Variants in ATL2 observed in about 807,000 individuals in gnomAD.
ATL2 encodes atlastin GTPase 2, also known as atlastin-2.
Under a neutral mutation model 73.9 loss-of-function variants are expected in ATL2, and 31 were observed. The observed-to-expected ratio is 0.42, with a 90% confidence interval of 0.32 to 0.57. The LOEUF (loss-of-function observed/expected upper bound fraction) is 0.57, where lower values mean the gene tolerates loss of function less well. ATL2 is among the 20% of genes least tolerant of loss of function. ATL2 has a pLI of 0.14. For synonymous variants in ATL2, 291 were observed against 237.5 expected, an observed-to-expected ratio of 1.23 and a Z score of -2.07; for missense variants, 738 against 702.6, an observed-to-expected ratio of 1.05 and a Z score of -0.57.
At chr2:38,337,240 T>A (rs1321028579) in intron 2 of ATL2, among the ~76,000 whole-genome samples, 1 of 151,494 alleles carries the variant, frequency 6.6e-6, no homozygotes, top group African/African-American at 2.4e-5. Flanking sequence ...ATCCCAACAC[T>A]TTGGGAGGCT....
intron 2 of ATL2, among the ~76,000 whole-genome samples, chr2:38,336,670 T>C (rs1294569421): frequency 6.6e-6 from 1 of 152,240 alleles, no homozygotes; most frequent in African/African-American, 2.4e-5. Flanking sequence ...ATAAAGGCTC[T>C]GGCATCAAAT....
At chr2:38,356,263 G>C (rs1299287299) in intron 1 of ATL2, among the ~76,000 whole-genome samples, 1 of 151,680 alleles carries the variant, frequency 6.6e-6, no homozygotes, top group African/African-American at 2.4e-5. Flanking sequence ...TCATCGACCA[G>C]GCTGGAGTGC....
At chr2:38,368,588 A>C (rs909623913) in intron 1 of ATL2, among the ~76,000 whole-genome samples, 1 of 152,224 alleles carries the variant, frequency 6.6e-6, no homozygotes, top group Non-Finnish European at 1.5e-5. Context: ...TAGCATGCCT[A>C]AAGACTAAGA....
At chr2:38,341,702 A>G (rs149460257) in intron 2 of ATL2, among the ~76,000 whole-genome samples, 21 of 152,360 alleles carry the variant, frequency 1.4e-4, no homozygotes, top group Admixed American at 1.3e-4. Context: ...CAATGTCCCA[A>G]ACATGTAAAA....
chr2:38,354,826 G>A (rs1670566534), intron 1 of ATL2, among the ~76,000 whole-genome samples: 1 of 152,076 alleles, frequency 6.6e-6, no homozygotes, highest in Non-Finnish European at 1.5e-5. Context: ...GGAGGCGGAG[G>A]TTGCAGTGAG....
At chr2:38,371,537 T>A (rs1310424796) in intron 1 of ATL2, among the ~76,000 whole-genome samples, 2 of 151,486 alleles carry the variant, frequency 1.3e-5, no homozygotes, top group Non-Finnish European at 2.9e-5. Flanking sequence ...TTTAAAAAAA[T>A]TACTGTAAGT....
intron 6 of ATL2, among the ~76,000 whole-genome samples, chr2:38,314,013 G>A (rs1667894479): frequency 6.6e-6 from 1 of 152,130 alleles, no homozygotes; most frequent in South Asian, 2.1e-4. Context: ...CAAGAGTGAG[G>A]CAGAATCAAT....
At chr2:38,355,687 T>A (rs937202738) in intron 1 of ATL2, among the ~76,000 whole-genome samples, 10 of 148,074 alleles carry the variant, frequency 6.8e-5, no homozygotes, top group Non-Finnish European at 1.2e-4. Flanking sequence ...AAATGCATAG[T>A]CACATTTGTT....
At chr2:38,333,645 G>C (rs1669131023) in intron 2 of ATL2, among the ~76,000 whole-genome samples, 2 of 152,162 alleles carry the variant, frequency 1.3e-5, no homozygotes, top group Non-Finnish European at 2.9e-5. Flanking sequence ...ATCCAAAATG[G>C]AAATATGTGA....
chr2:38,356,339 G>A (rs139252186), intron 1 of ATL2, among the ~76,000 whole-genome samples: 3 of 151,614 alleles, frequency 2.0e-5, no homozygotes, highest in Admixed American at 6.6e-5. Context: ...GACTACAAGC[G>A]TGAGCCAGCT....
intron 1 of ATL2, among the ~76,000 whole-genome samples, chr2:38,367,616 A>AAAC (rs1268059757): frequency 1.8e-4 from 25 of 139,810 alleles, no homozygotes; most frequent in Admixed American, 3.6e-4. Flanking sequence ...AAAAAAAAAA[A>AAAC]CCGCCCATTT....
rs147412074 is a variant in ATL2, at chr2:38,342,616, T to C, written c.363+652A>G. 7.5e-4 allele frequency among the ~76,000 whole-genome samples: 114 copies of C among 152,310 alleles called. 1 individual carries two copies. Among genetic ancestry groups the C allele is most frequent in the African/African-American group, 2.7e-3 (111 of 41,574 alleles). The stretch of plus-strand genomic sequence containing the variant: ...TAATAGTCACTAAAACTGACTTGTT[T>C]GAGGAACACAGATATACTTTTTCAA... On this transcript the variant is annotated intron_variant, in intron 2 of 12. Transcript: ENST00000378954.
intron 1 of ATL2, 93 bp downstream of exon 1, chr2:38,377,050 C>T (rs1672017894): frequency 2.4e-6 from 3 of 1,249,640 alleles, no homozygotes; most frequent in Non-Finnish European, 3.3e-6. Context: ...CCGCGGACTC[C>T]GACCCCGCCG....
In ATL2 at chr2:38,294,555, A is replaced by G. The variant is rs2148391827; in HGVS notation, c.*1439T>C. ...AGAGAGAGACTCCGTCTCAAAAAAGAAACAAACAAAACTAGGTACTTTAAT... is the reference window on the plus strand; with the variant it reads ...AGAGAGAGACTCCGTCTCAAAAAAGGAACAAACAAAACTAGGTACTTTAAT... On this transcript the variant is annotated 3_prime_UTR_variant, in exon 13 of 13. Transcript: ENST00000378954. 6.6e-6 allele frequency among the ~76,000 whole-genome samples: 1 copy of G among 152,266 alleles called. No homozygotes were observed. The highest frequency in any genetic ancestry group is 1.9e-4 in the East Asian group (1 of 5,178).
intron 12 of ATL2, among the ~76,000 whole-genome samples, chr2:38,297,489 C>T (rs889487649): frequency 6.6e-6 from 1 of 152,176 alleles, no homozygotes; most frequent in South Asian, 2.1e-4. Flanking sequence ...AATGGCTTTC[C>T]TTAGCAGATA....
intron 2 of ATL2, among the ~76,000 whole-genome samples, chr2:38,331,786 A>G (rs1375552485): frequency 6.6e-6 from 1 of 152,020 alleles, no homozygotes; most frequent in Non-Finnish European, 1.5e-5. Context: ...AAATAGATAC[A>G]TAACCAAAAA....
chr2:38,377,394 T>C, upstream of ATL2: 2 of 699,282 alleles, frequency 2.9e-6, no homozygotes, highest in African/African-American at 1.9e-5. Flanking sequence ...CCTCCGCCTG[T>C]ATCTCCTCGC....
In ATL2 at chr2:38,296,988, A is replaced by G. The variant is rs55771354; in HGVS notation, c.1633-875T>C. 8.0e-3 allele frequency among the ~76,000 whole-genome samples: 1,216 copies of G among 152,340 alleles called. 10 individuals carry two copies. Among genetic ancestry groups the G allele is most frequent in the Middle Eastern group, 0.014 (4 of 294 alleles). ...ATAGCTAATTTTTTCTTAAAAGTGA[A>G]GTTGCGATAGCTTTGCATCCATCTT... On this transcript the variant is annotated intron_variant, in intron 12 of 12. Transcript: ENST00000378954.
intron 1 of ATL2, chr2:38,354,096 G>A (rs928749969): frequency 2.9e-5 from 11 of 385,942 alleles, no homozygotes; most frequent in Admixed American, 2.5e-4. Context: ...GGAGGCTGAG[G>A]CAGAGGAATC....
Sources: gnomAD v4.1 joint callset for allele counts (sites outside exome capture counted in the v4.1 genomes callset) on GRCh38, gnomAD v4.1.1 for gene constraint, MANE v1.5 for transcripts, NCBI Gene and HGNC (gene_info 2026-07-23, HGNC 2026-07-21) for gene names.